The following DOCK8 variants were observed in gnomAD, a reference collection of about 807,000 sequenced individuals.
DOCK8 encodes dedicator of cytokinesis protein 8.
In DOCK8, 141 loss-of-function variants were observed where a neutral mutation model predicts 245.6. The observed-to-expected ratio is 0.57, with a 90% CI of 0.50 to 0.66. The LOEUF (loss-of-function observed/expected upper bound fraction) is 0.66, where lower values mean the gene tolerates loss of function less well. DOCK8 is among the 30% of genes least tolerant of loss of function. The probability of loss-of-function intolerance (pLI) is 0.00; values close to 1 mark genes in which losing one functional copy is unlikely to be tolerated. For synonymous variants in DOCK8, 1,168 were observed against 970.2 expected, an observed-to-expected ratio of 1.20 and a Z score of -3.79; for missense variants, 2,965 against 2,603.4, an observed-to-expected ratio of 1.14 and a Z score of -3.02.
At chr9:241,102 A>T (rs943360150) in intron 1 of DOCK8, among the ~76,000 whole-genome samples, 2 of 152,152 alleles carry the variant, frequency 1.3e-5, no homozygotes, top group Non-Finnish European at 2.9e-5. Flanking sequence ...TATTTTTTAA[A>T]TTGTCACATA....
Position 325,685 on chromosome 9 carries a change from T to C in DOCK8, c.842T>C (p.Ile281Thr). The change falls in exon 8 of 48, where the codon ATT (isoleucine) becomes ACT (threonine). Residue 281 changes from isoleucine to threonine, a missense_variant. Coordinates refer to ENST00000432829, the MANE Select transcript of DOCK8 (RefSeq NM_203447.4). ...KLLTLKFEIE[I>T]EPLFASIALY... is the part of the protein sequence containing the mutation. ...TTCTATGGTAGGTTCGAGATTGAAATTGAGCCCCTGTTTGCCAGCATTGCC... is the reference window on the plus strand; with the variant it reads ...TTCTATGGTAGGTTCGAGATTGAAACTGAGCCCCTGTTTGCCAGCATTGCC... 6.2e-7 allele frequency: 1 copy of C among 1,614,084 alleles called. No individual in the cohort carries two copies. The highest frequency in any genetic ancestry group is 8.5e-7 in the Non-Finnish European group (1 of 1,179,946).
At chr9:310,760 A>C (rs548574401) in intron 5 of DOCK8, among the ~76,000 whole-genome samples, 12 of 152,324 alleles carry the variant, frequency 7.9e-5, no homozygotes, top group African/African-American at 2.9e-4. Flanking sequence ...ATATTTTAAA[A>C]ATAGTACATT....
chr9:344,108 G>A (rs573024789), intron 14 of DOCK8, among the ~76,000 whole-genome samples: 6 of 152,272 alleles, frequency 3.9e-5, no homozygotes, highest in Admixed American at 2.6e-4. Flanking sequence ...GGCCACTGTA[G>A]AAGTGCCAAG....
intron 1 of DOCK8, among the ~76,000 whole-genome samples, chr9:262,469 C>A: frequency 1.4e-5 from 1 of 69,962 alleles, no homozygotes; most frequent in African/African-American, 4.0e-5. Context: ...ATGTTATATC[C>A]ATACAAAGGA....
At chr9:332,563 T>G in intron 10 of DOCK8, 85 bp downstream of exon 10, 1 of 929,572 alleles carries the variant, frequency 1.1e-6, no homozygotes, top group Non-Finnish European at 1.8e-6. Context: ...GTTAATGGGC[T>G]TTAGTCCCTA....
chr9:357,688 G>A (rs904373162), intron 14 of DOCK8, among the ~76,000 whole-genome samples: 2 of 152,124 alleles, frequency 1.3e-5, no homozygotes, highest in African/African-American at 2.4e-5. Context: ...AAATATTGCA[G>A]CCTGGCCTGT....
rs551755379 is a variant in DOCK8 at position 448,063 on chromosome 9, G to A, written c.5817+1457G>A. Among the ~76,000 whole-genome samples the A allele has an allele frequency of 4.9e-4, 74 of 149,540 alleles. 1 individual carries two copies. Among genetic ancestry groups the A allele is most frequent in the South Asian group, 2.6e-3 (12 of 4,620 alleles). On this transcript the variant is annotated intron_variant, in intron 44 of 47. Coordinates refer to ENST00000432829, the MANE Select transcript of DOCK8 (RefSeq NM_203447.4). ...CCTTTCCTTTCCTTCCTTTCCTTTC[G>A]TTCTTCCTTTTTTTCTGTGTCTCTG...
intron 39 of DOCK8, among the ~76,000 whole-genome samples, chr9:438,899 G>T (rs908934198): frequency 3.9e-5 from 6 of 152,208 alleles, no homozygotes; most frequent in Non-Finnish European, 8.8e-5. Flanking sequence ...CCTAGTTAAT[G>T]TTAATTGGGT....
chr9:410,033 T>C (rs200962867), intron 28 of DOCK8, among the ~76,000 whole-genome samples: 14 of 152,224 alleles, frequency 9.2e-5, no homozygotes, highest in Admixed American at 7.9e-4. Context: ...TATAAAGACA[T>C]ATGCACACAT....
chr9:356,527 C>G (rs1475152018), intron 14 of DOCK8, among the ~76,000 whole-genome samples: 1 of 98,972 alleles, frequency 1.0e-5, no homozygotes, highest in East Asian at 4.0e-4. Context: ...GAGACTCTGT[C>G]TCAAAAAAAA....
At chr9:365,942 T>C (rs755920227) in intron 14 of DOCK8, 19 of 262,070 alleles carry the variant, frequency 7.2e-5, no homozygotes, top group Non-Finnish European at 6.1e-5. Flanking sequence ...GGCTCAGTCT[T>C]ACCGACCTGC....
chr9:314,880 T>A (rs2050276970), intron 6 of DOCK8, among the ~76,000 whole-genome samples: 1 of 152,208 alleles, frequency 6.6e-6, no homozygotes, highest in African/African-American at 2.4e-5. Flanking sequence ...ATCCAAGTTA[T>A]GGCTGAGTCT....
At chr9:372,664 G>T (rs971209301) in intron 18 of DOCK8, among the ~76,000 whole-genome samples, 8 of 152,174 alleles carry the variant, frequency 5.3e-5, no homozygotes, top group African/African-American at 1.9e-4. Flanking sequence ...TGGGTCAGTT[G>T]TCACAGCCCT....
At chr9:342,865 C>T (rs1465769538) in intron 14 of DOCK8, among the ~76,000 whole-genome samples, 1 of 152,172 alleles carries the variant, frequency 6.6e-6, no homozygotes, top group Non-Finnish European at 1.5e-5. Context: ...TTCAAGTTTT[C>T]AGCTCTTACA....
intron 17 of DOCK8, 74 bp downstream of exon 17, chr9:371,640 C>G: frequency 6.3e-7 from 1 of 1,588,588 alleles, no homozygotes; most frequent in Non-Finnish European, 8.6e-7. Flanking sequence ...GATAAACAAC[C>G]AAATTCTATT....
chr9:271,170 C>A (rs370972938), intron 1 of DOCK8, among the ~76,000 whole-genome samples: 3 of 152,208 alleles, frequency 2.0e-5, no homozygotes, highest in African/African-American at 7.2e-5. Context: ...TACAACAGTT[C>A]TCTGGTGTTC....
intron 2 of DOCK8, among the ~76,000 whole-genome samples, chr9:273,966 A>G (rs1475147380): frequency 6.6e-6 from 1 of 152,136 alleles, no homozygotes; most frequent in Admixed American, 6.5e-5. Context: ...TAGGCCTCCC[A>G]AAGTGCTGGG....
chr9:331,135 T>C (rs2050990486), intron 9 of DOCK8, among the ~76,000 whole-genome samples: 1 of 152,230 alleles, frequency 6.6e-6, no homozygotes, highest in African/African-American at 2.4e-5. Flanking sequence ...AGCTCCTGAC[T>C]ATGAGCTTCA....
intron 1 of DOCK8, among the ~76,000 whole-genome samples, chr9:223,789 A>G (rs1209101519): frequency 6.6e-6 from 1 of 152,074 alleles, no homozygotes; most frequent in East Asian, 1.9e-4. Context: ...TAATTAAAAA[A>G]GAGAACATTA....
Sources: gnomAD v4.1 joint callset for allele counts (sites outside exome capture counted in the v4.1 genomes callset) on GRCh38, gnomAD v4.1.1 for gene constraint, MANE v1.5 for transcripts, NCBI Gene and HGNC (gene_info 2026-07-23, HGNC 2026-07-21) for gene names.